Variants in CNOT4 observed in about 807,000 individuals in gnomAD.
CNOT4 encodes CCR4-associated factor 4.
In CNOT4, 8 loss-of-function variants were observed where a neutral mutation model predicts 73.8. The observed-to-expected ratio is 0.11, with a 90% CI of 0.06 to 0.20. CNOT4 has a LOEUF of 0.20. Ranked by LOEUF, CNOT4 falls within the 10% of genes least tolerant of loss-of-function variation. The pLI, the probability that CNOT4 is intolerant of heterozygous loss-of-function variation, is 1.00. For synonymous variants in CNOT4, 293 were observed against 321.1 expected (o/e 0.91, Z 0.94); for missense variants, 564 against 883.4 (o/e 0.64, Z 4.58).
intron 2 of CNOT4, among the ~76,000 whole-genome samples, chr7:135,427,912 A>G (rs1336135288): frequency 6.6e-6 from 1 of 152,204 alleles, no homozygotes; most frequent in East Asian, 1.9e-4. Context: ...GAGAAAGAAC[A>G]TTCAAAGCCC....
At chr7:135,440,329 CTTT>C (rs538595282) in intron 1 of CNOT4, among the ~76,000 whole-genome samples, 6 of 137,792 alleles carry the variant, frequency 4.4e-5, no homozygotes, top group Admixed American at 7.3e-5. Context: ...AGCCAGGTAA[CTTT>C]TTTTTTTTTT....
intron 7 of CNOT4, among the ~76,000 whole-genome samples, chr7:135,405,237 A>C (rs1455923970): frequency 6.6e-6 from 1 of 152,240 alleles, no homozygotes; most frequent in Non-Finnish European, 1.5e-5. Context: ...AAATGAACAC[A>C]GAAGACTCAA....
At chr7:135,501,619 C>T (rs1466037056) in intron 1 of CNOT4, among the ~76,000 whole-genome samples, 2 of 152,102 alleles carry the variant, frequency 1.3e-5, no homozygotes, top group Admixed American at 6.6e-5. Context: ...TTCTGAAAAA[C>T]ACTCTCATGT....
intron 1 of CNOT4, among the ~76,000 whole-genome samples, chr7:135,469,058 T>C (rs901062776): frequency 5.3e-5 from 8 of 152,110 alleles, no homozygotes; most frequent in African/African-American, 7.2e-5. Flanking sequence ...CTGAACAAGT[T>C]TGACAAATAA....
intron 10 of CNOT4, among the ~76,000 whole-genome samples, chr7:135,382,182 T>C (rs1362136688): frequency 6.6e-6 from 1 of 152,164 alleles, no homozygotes; most frequent in Non-Finnish European, 1.5e-5. Flanking sequence ...TAAACTCGAT[T>C]TCTCTATAAC....
chr7:135,455,718 T>TC (rs1475561988), intron 1 of CNOT4, among the ~76,000 whole-genome samples: 2 of 151,806 alleles, frequency 1.3e-5, no homozygotes, highest in African/African-American at 2.4e-5. Context: ...CTACTAAAAA[T>TC]AAAAAATTAG....
chr7:135,440,221 T>TAAAAAAA, intron 1 of CNOT4, among the ~76,000 whole-genome samples: 1 of 107,478 alleles, frequency 9.3e-6, no homozygotes, highest in Non-Finnish European at 1.9e-5. Flanking sequence ...ACAGACAAGT[T>TAAAAAAA]AAAAAAAAAA....
At chr7:135,412,925 A>C (rs984882126) in intron 6 of CNOT4, among the ~76,000 whole-genome samples, 17 of 152,032 alleles carry the variant, frequency 1.1e-4, no homozygotes, top group Admixed American at 1.3e-4. Flanking sequence ...AAATGTAAAA[A>C]AGAACATAGG....
At chr7:135,496,598 C>T (rs1455370619) in intron 1 of CNOT4, among the ~76,000 whole-genome samples, 1 of 151,990 alleles carries the variant, frequency 6.6e-6, no homozygotes, top group East Asian at 1.9e-4. Context: ...TCCTTGGCTA[C>T]CTAGAAGCAA....
chr7:135,387,496 T>C (rs1164706943), intron 10 of CNOT4: 1 of 975,114 alleles, frequency 1.0e-6, no homozygotes, highest in Admixed American at 6.2e-5. Context: ...ACATGTTCTA[T>C]TATTATTATT....
At chr7:135,508,608 A>G (rs1326347734) in intron 1 of CNOT4, among the ~76,000 whole-genome samples, 1 of 152,252 alleles carries the variant, frequency 6.6e-6, no homozygotes, top group Non-Finnish European at 1.5e-5. Context: ...AAATCCAAAA[A>G]TAAGAAGAAA....
intron 1 of CNOT4, among the ~76,000 whole-genome samples, chr7:135,485,396 A>T (rs960305127): frequency 1.1e-4 from 17 of 152,264 alleles, no homozygotes; most frequent in Admixed American, 1.0e-3. Flanking sequence ...GATATAGATA[A>T]ACATATTCTA....
chr7:135,491,780 T>C (rs572343295), intron 1 of CNOT4, among the ~76,000 whole-genome samples: 13 of 152,276 alleles, frequency 8.5e-5, no homozygotes, highest in East Asian at 3.9e-4. Flanking sequence ...AAGAGACAAA[T>C]TGATGATATA....
At chr7:135,394,479 T>A in intron 9 of CNOT4, 64 bp from the exon 10 acceptor site, 1 of 1,305,734 alleles carries the variant, frequency 7.7e-7, no homozygotes, top group Non-Finnish European at 1.1e-6. Context: ...TTAATAAGTA[T>A]CCATGCTACT....
At chr7:135,508,605 A>G (rs538431920) in intron 1 of CNOT4, among the ~76,000 whole-genome samples, 20 of 152,388 alleles carry the variant, frequency 1.3e-4, no homozygotes, top group Non-Finnish European at 2.6e-4. Context: ...CCCAAATCCA[A>G]AAATAAGAAG....
At chr7:135,380,818 T>C (rs1177438456) in intron 10 of CNOT4, among the ~76,000 whole-genome samples, 2 of 152,204 alleles carry the variant, frequency 1.3e-5, no homozygotes, top group South Asian at 2.1e-4. Context: ...ATTATCATCA[T>C]TGTTATTATT....
intron 1 of CNOT4, among the ~76,000 whole-genome samples, chr7:135,472,876 T>TA (rs1011261554): frequency 5.3e-5 from 8 of 151,470 alleles, no homozygotes; most frequent in African/African-American, 1.7e-4. Context: ...CCTGTCTCTA[T>TA]AAAAAAACCA....
chr7:135,494,342 C>T (rs1037495276), intron 1 of CNOT4, among the ~76,000 whole-genome samples: 6 of 151,552 alleles, frequency 4.0e-5, no homozygotes, highest in South Asian at 4.2e-4. Context: ...TGGTAGTGCG[C>T]GCCTGTAATC....
At chr7:135,379,070 G>C (rs1040129419) in intron 10 of CNOT4, among the ~76,000 whole-genome samples, 1 of 151,796 alleles carries the variant, frequency 6.6e-6, no homozygotes, top group African/African-American at 2.4e-5. Context: ...TATAGGTAGT[G>C]TACATTAAGA....
Sources: allele counts gnomAD v4.1 joint callset (sites outside exome capture counted in the v4.1 genomes callset), GRCh38; gene constraint gnomAD v4.1.1; transcripts MANE v1.5; gene names NCBI Gene and HGNC (gene_info 2026-07-23, HGNC 2026-07-21).